The following FMN2 variants were observed in gnomAD, a reference collection of about 807,000 sequenced individuals.
The protein encoded by FMN2 is formin-2.
A neutral mutation model predicts 142.3 loss-of-function variants in FMN2; 51 were observed. The observed-to-expected ratio is 0.36, with a 90% CI of 0.29 to 0.45. FMN2 has a LOEUF of 0.45. FMN2 is among the 20% of genes least tolerant of loss of function. The pLI, the probability that FMN2 is intolerant of heterozygous loss-of-function variation, is 1.00. For synonymous variants in FMN2, 882 were observed against 869.8 expected, an observed-to-expected ratio of 1.01 and a Z score of -0.25; for missense variants, 1,936 against 2,122.8, an observed-to-expected ratio of 0.91 and a Z score of 1.73.
At chr1:240,206,084 A>G (rs1666342208) in intron 4 of FMN2, among the ~76,000 whole-genome samples, 1 of 151,656 alleles carries the variant, frequency 6.6e-6, no homozygotes, top group Non-Finnish European at 1.5e-5. Context: ...TTTAATTTTT[A>G]GGAGAGATGC....
intron 2 of FMN2, among the ~76,000 whole-genome samples, chr1:240,175,109 T>C (rs1558337880): frequency 6.6e-6 from 1 of 152,232 alleles, no homozygotes; most frequent in Non-Finnish European, 1.5e-5. Flanking sequence ...GCTTATTTCA[T>C]TTAGCCAAAT....
chr1:240,267,841 A>T (rs2102914372), intron 7 of FMN2, among the ~76,000 whole-genome samples: 1 of 152,212 alleles, frequency 6.6e-6, no homozygotes, highest in East Asian at 1.9e-4. Context: ...ATTTTTAAAG[A>T]TGGGTAAAAG....
At chr1:240,144,495 C>T in intron 2 of FMN2, 2 of 1,538,636 alleles carry the variant, frequency 1.3e-6, no homozygotes, top group South Asian at 1.1e-5. Flanking sequence ...AGCATGAATG[C>T]CATCTGTTTC....
At chr1:240,243,583 A>C (rs1317131306) in intron 6 of FMN2, among the ~76,000 whole-genome samples, 1 of 152,210 alleles carries the variant, frequency 6.6e-6, no homozygotes, top group Non-Finnish European at 1.5e-5. Flanking sequence ...TGGATTACAA[A>C]ATAAAACACT....
chr1:240,143,940 C>A, intron 2 of FMN2: 1 of 1,483,450 alleles, frequency 6.7e-7, no homozygotes. Flanking sequence ...AAGATGGAAC[C>A]AAGTCTCATG....
intron 15 of FMN2, among the ~76,000 whole-genome samples, chr1:240,435,953 C>T (rs1675352741): frequency 6.6e-6 from 1 of 152,176 alleles, no homozygotes; most frequent in African/African-American, 2.4e-5. Flanking sequence ...GACTTGAGAC[C>T]TAACTTCAGC....
chr1:240,144,508 T>C, intron 2 of FMN2: 2 of 1,514,768 alleles, frequency 1.3e-6, no homozygotes, highest in South Asian at 2.2e-5. Context: ...TCTGTTTCTG[T>C]ACTACCACAT....
intron 2 of FMN2, among the ~76,000 whole-genome samples, chr1:240,126,481 G>C (rs1662515890): frequency 6.6e-6 from 1 of 151,188 alleles, no homozygotes; most frequent in Non-Finnish European, 1.5e-5. Context: ...TTCAGTTTGG[G>C]GCTCTTCACT....
chr1:240,275,282 CT>C (rs1669165178), intron 7 of FMN2, among the ~76,000 whole-genome samples: 3 of 151,636 alleles, frequency 2.0e-5, no homozygotes, highest in African/African-American at 7.3e-5. Flanking sequence ...ATGTTCCCCT[CT>C]CTGTGTCCAT....
intron 14 of FMN2, among the ~76,000 whole-genome samples, chr1:240,379,011 G>T (rs1673140743): frequency 1.3e-5 from 2 of 152,148 alleles, no homozygotes; most frequent in Non-Finnish European, 2.9e-5. Context: ...TTCTTATTAA[G>T]TGCTAGACAC....
intron 1 of FMN2, among the ~76,000 whole-genome samples, chr1:240,122,079 T>A (rs115767361): frequency 0.019 from 2,407 of 123,792 alleles, 41 homozygotes; most frequent in African/African-American, 0.052. Flanking sequence ...TTAATTAATT[T>A]ATTTATTTAT....
At chr1:240,162,216 A>G in intron 2 of FMN2, among the ~76,000 whole-genome samples, 1 of 152,014 alleles carries the variant, frequency 6.6e-6, no homozygotes, top group South Asian at 2.1e-4. Context: ...CTGTAATCCC[A>G]GCACTTTGGG....
chr1:240,282,296 T>C (rs17672135), intron 7 of FMN2, among the ~76,000 whole-genome samples: 16,979 of 152,182 alleles, frequency 0.11, 1,037 homozygotes, highest in South Asian at 0.18. Context: ...TCTATCTAAA[T>C]CCAAAACACA....
chr1:240,334,168 C>T lies in FMN2; in HGVS notation c.4704C>T (p.Ala1568=), dbSNP rs753613549. The T allele has an allele frequency of 1.2e-5, 19 of 1,608,844 alleles. No individual in the cohort carries two copies. In the East Asian group the frequency reaches 4.2e-4, roughly 36 times the overall value. ...PLPEPQDLFQ[A]SQMKFEDFQK... ...CAGAACCCCAGGACCTTTTTCAGGC[C>T]TCACAGATGAAGTTTGAAGATTTTC... The change falls in exon 13 of 18, where the codon GCC becomes GCT. Residue 1568 remains alanine (A), a synonymous_variant. Transcript: ENST00000319653.
At chr1:240,165,937 T>C (rs1664464420) in intron 2 of FMN2, among the ~76,000 whole-genome samples, 1 of 152,026 alleles carries the variant, frequency 6.6e-6, no homozygotes, top group Non-Finnish European at 1.5e-5. Context: ...CCGGATAATG[T>C]GTCCACAAAC....
chr1:240,362,452 T>C (rs1672518299), intron 14 of FMN2, among the ~76,000 whole-genome samples: 1 of 152,196 alleles, frequency 6.6e-6, no homozygotes, highest in Admixed American at 6.6e-5. Context: ...ATGAGATAAA[T>C]GTGATCACTG....
intron 13 of FMN2, among the ~76,000 whole-genome samples, chr1:240,349,165 C>A (rs965973086): frequency 6.6e-6 from 1 of 152,126 alleles, no homozygotes; most frequent in Non-Finnish European, 1.5e-5. Context: ...AATGTCTGTG[C>A]ACTTACACCT....
At chr1:240,213,937 A>C (rs1318209106) in intron 6 of FMN2, among the ~76,000 whole-genome samples, 1 of 152,218 alleles carries the variant, frequency 6.6e-6, no homozygotes, top group African/African-American at 2.4e-5. Flanking sequence ...AAGGAGAAAG[A>C]GGGTTATTTT....
At chr1:240,367,539 T>C (rs977724164) in intron 14 of FMN2, among the ~76,000 whole-genome samples, 41 of 152,010 alleles carry the variant, frequency 2.7e-4, no homozygotes, top group African/African-American at 8.2e-4. Context: ...GAGGCCAAGG[T>C]GGGTGGATCA....
Sources: allele counts gnomAD v4.1 joint callset (sites outside exome capture counted in the v4.1 genomes callset), GRCh38; gene constraint gnomAD v4.1.1; transcripts MANE v1.5; gene names NCBI Gene and HGNC (gene_info 2026-07-23, HGNC 2026-07-21).